USP31: variants seen among roughly 807,000 people sequenced by gnomAD.
USP31 encodes ubiquitin carboxyl-terminal hydrolase 31.
A neutral mutation model predicts 119.4 loss-of-function variants in USP31; 44 were observed. The observed-to-expected ratio is 0.37, with a 90% CI of 0.29 to 0.47. The LOEUF is 0.47. Ranked by LOEUF, USP31 falls within the 20% of genes least tolerant of loss-of-function variation. The pLI is 0.99. For synonymous variants in USP31, 749 were observed against 705.6 expected (o/e 1.06, Z -0.97); for missense variants, 1,643 against 1,730.2 (o/e 0.95, Z 0.89).
Position 23,067,792 on chromosome 16 carries a change from T to C in USP31, c.*254A>G. Reference sequence around the variant, plus strand: ...TAAAGGGACCGTCCTGGGTATCGTCTACAATTATTCCAGTTAGCTTGGTGT... The same window carrying C: ...TAAAGGGACCGTCCTGGGTATCGTCCACAATTATTCCAGTTAGCTTGGTGT... On this transcript the variant is annotated 3_prime_UTR_variant, in exon 16 of 16. Transcript: ENST00000219689. The C allele has an allele frequency of 2.4e-6, 1 of 414,692 alleles. No homozygotes were observed. Among genetic ancestry groups the C allele is most frequent in the Non-Finnish European group, 4.2e-6 (1 of 235,598 alleles). The allele number at this position is 414,692 out of a possible 1,614,324, so 25.7% of individuals were successfully genotyped here.
At chr16:23,140,255 TC>T (rs1903315709) in intron 1 of USP31, among the ~76,000 whole-genome samples, 1 of 152,154 alleles carries the variant, frequency 6.6e-6, no homozygotes, top group South Asian at 2.1e-4. Flanking sequence ...TAAATTTATC[TC>T]CCCTTCATTC....
chr16:23,105,876 A>C (rs552189258), intron 4 of USP31, among the ~76,000 whole-genome samples: 1 of 152,306 alleles, frequency 6.6e-6, no homozygotes, highest in East Asian at 1.9e-4. Context: ...AAATGTTGAG[A>C]AATTGTTCAA....
At chr16:23,122,869 G>A (rs1902720163) in intron 1 of USP31, among the ~76,000 whole-genome samples, 1 of 152,126 alleles carries the variant, frequency 6.6e-6, no homozygotes, top group South Asian at 2.1e-4. Context: ...AATTGACTGT[G>A]ATAAATGTTT....
chr16:23,148,528 C>T, intron 1 of USP31, 110 bp downstream of exon 1: 1 of 1,342,424 alleles, frequency 7.4e-7, no homozygotes, highest in South Asian at 1.8e-5. Context: ...CTCGGAGCAA[C>T]CAATGCAGAA....
intron 1 of USP31, among the ~76,000 whole-genome samples, chr16:23,136,230 GAACTAA>G (rs1438504622): frequency 6.6e-6 from 1 of 152,012 alleles, no homozygotes; most frequent in Non-Finnish European, 1.5e-5. Flanking sequence ...CTAAACATAA[GAACTAA>G]AACTATAAAA....
intron 1 of USP31, among the ~76,000 whole-genome samples, chr16:23,147,372 G>A (rs1036070042): frequency 2.6e-5 from 4 of 151,618 alleles, no homozygotes; most frequent in Non-Finnish European, 5.9e-5. Flanking sequence ...GCCTCCCAAA[G>A]TGCTAGGATT....
intron 11 of USP31, among the ~76,000 whole-genome samples, chr16:23,084,471 A>T (rs1901002945): frequency 6.6e-6 from 1 of 152,084 alleles, no homozygotes; most frequent in Admixed American, 6.5e-5. Flanking sequence ...TAATTTTTTA[A>T]ATTTAATTAA....
intron 5 of USP31, among the ~76,000 whole-genome samples, chr16:23,103,956 CAG>C (rs1323540172): frequency 6.6e-6 from 1 of 152,128 alleles, no homozygotes; most frequent in Non-Finnish European, 1.5e-5. Flanking sequence ...ACAAACAAAA[CAG>C]AAAAACAAAA....
intron 1 of USP31, among the ~76,000 whole-genome samples, chr16:23,123,097 C>T (rs544021925): frequency 6.6e-6 from 1 of 152,268 alleles, no homozygotes; most frequent in Admixed American, 6.5e-5. Context: ...AGAAGACAGT[C>T]TAACATTCCA....
chr16:23,065,352 AG>A lies in USP31; in HGVS notation c.*2693del, dbSNP rs1384723432. On this transcript the variant is annotated 3_prime_UTR_variant, in exon 16 of 16. Coordinates refer to ENST00000219689, the MANE Select transcript of USP31 (RefSeq NM_020718.4). Reference sequence around the variant, plus strand: ...AAAAAAAAAAAAAGAAAAGAAAGAAAGAAACCAACACCAAGTCCCCAACCCT... The same window carrying A: ...AAAAAAAAAAAAAGAAAAGAAAGAAAAAACCAACACCAAGTCCCCAACCCT... 2 of 151,906 alleles carry A rather than the reference AG, an allele frequency of 1.3e-5. No individual in the cohort carries two copies. Among genetic ancestry groups the A allele is most frequent in the African/African-American group, 4.8e-5 (2 of 41,384 alleles). 9.4% of individuals were successfully genotyped at this position (151,906 alleles called of 1,614,324 possible). A position where few individuals can be genotyped will look rare whatever the true frequency, so the allele number is the denominator to read the frequency against.
chr16:23,109,989 C>T (rs1001699287), intron 1 of USP31, among the ~76,000 whole-genome samples: 1 of 151,966 alleles, frequency 6.6e-6, no homozygotes, highest in Non-Finnish European at 1.5e-5. Flanking sequence ...GAGCCTGGAA[C>T]AGAAAAAACG....
rs1421150807 is a variant in USP31 at position 23,104,930 on chromosome 16, T to C, written c.1089+511A>G. On this transcript the variant is annotated intron_variant, in intron 5 of 15. Coordinates refer to ENST00000219689, the MANE Select transcript of USP31 (RefSeq NM_020718.4). ...GGATGCGGCATGGGCACAACTTTCCTTTCTCTTCTCTAAACAAGGTAAGAG... is the reference window on the plus strand; with the variant it reads ...GGATGCGGCATGGGCACAACTTTCCCTTCTCTTCTCTAAACAAGGTAAGAG... 3.3e-5 allele frequency among the ~76,000 whole-genome samples: 5 copies of C among 152,350 alleles called. No individual in the cohort carries two copies. The East Asian group carries it at 5.8e-4, about 18-fold the overall frequency.
Position 23,149,339 on chromosome 16 carries a change from G to C in USP31, c.-69C>G, listed in dbSNP as rs1406516715. ...CCGCGGCCCCGCCACGGCCGCCGCC[G>C]CATCCCGCAGCGCCGCGCCTCACCG... is the stretch of plus-strand genomic sequence containing the variant. On this transcript the variant is annotated 5_prime_UTR_variant, in exon 1 of 16. Coordinates refer to ENST00000219689, the MANE Select transcript of USP31 (RefSeq NM_020718.4). 1.0e-6 allele frequency: 1 copy of C among 999,760 alleles called. No homozygotes were observed. 61.9% of individuals were successfully genotyped at this position (999,760 alleles called of 1,614,324 possible). A position where few individuals can be genotyped will look rare whatever the true frequency, so the allele number is the denominator to read the frequency against.
Position 23,149,044 on chromosome 16 carries a change from G to C in USP31, c.227C>G (p.Ser76Trp). Residue 76 changes from serine to tryptophan, a missense_variant, in exon 1 of 16, where the codon TCG becomes TGG. By Grantham distance (177) the Ser-to-Trp change is radical. Around this residue, in one of 5 missense-constraint regions of USP31, gnomAD observed 302 missense variants for 262.6 expected, o/e 1.15. Transcript: ENST00000219689. ...GGCGGCGCCCTCAGAGCTAAGGTGC[G>C]AGAGCGTGGACAGCGTCTTGAGAAC... Reference protein sequence around the residue: ...SRVLKTLSTLSHLSSEGAAPD... With the variant: ...SRVLKTLSTLWHLSSEGAAPD... 2 of 1,242,824 alleles carry C rather than the reference G, an allele frequency of 1.6e-6. No homozygotes were observed. Among genetic ancestry groups the C allele is most frequent in the Non-Finnish European group, 2.1e-6 (2 of 967,528 alleles). 77.0% of individuals were successfully genotyped at this position (1,242,824 alleles called of 1,614,324 possible).
rs1375726900 is a variant in USP31 at position 23,149,157 on chromosome 16, C to A, written c.114G>T (p.Ala38=). The A allele has an allele frequency of 1.3e-5, 15 of 1,172,154 alleles. No individual in the cohort carries two copies. The highest frequency in any genetic ancestry group is 4.3e-5 in the East Asian group (1 of 23,396). The allele number at this position is 1,172,154 out of a possible 1,614,324, so 72.6% of individuals were successfully genotyped here. A position where few individuals can be genotyped will look rare whatever the true frequency, so the allele number is the denominator to read the frequency against. The change falls in exon 1 of 16, where the codon GCG becomes GCT. Residue 38 remains alanine, a synonymous_variant. Coordinates refer to ENST00000219689, the MANE Select transcript of USP31 (RefSeq NM_020718.4). ...CCGGCCCGGACGCCCCGGGGCCCCC[C>A]GCGCCGCCGCCGCCAGCGCGGCCGC... ...FRSGRAGGGG[A]GGPGASGPAA...
At chr16:23,087,980 T>C in intron 7 of USP31, 145 bp from the exon 8 acceptor site, 1 of 676,760 alleles carries the variant, frequency 1.5e-6, no homozygotes. Context: ...GGAAATTTAA[T>C]GGTAACTCTT....
rs1052592212 is a variant in USP31 at position 23,065,611 on chromosome 16, A to G, written c.*2435T>C. The stretch of plus-strand genomic sequence containing the variant: ...TTTTTCTATTAAACCTGAAACAAGG[A>G]CTAAACTCCATGACATACAGTTTAT... On this transcript the variant is annotated 3_prime_UTR_variant, in exon 16 of 16. Coordinates refer to ENST00000219689, the MANE Select transcript of USP31 (RefSeq NM_020718.4). The G allele has an allele frequency of 5.9e-5, 9 of 152,618 alleles. No homozygotes were observed. The highest frequency in any genetic ancestry group is 1.2e-4 in the Non-Finnish European group (8 of 68,042). 9.5% of individuals were successfully genotyped at this position (152,618 alleles called of 1,614,324 possible).
At chr16:23,092,513 C>G (rs1298466734) in intron 6 of USP31, among the ~76,000 whole-genome samples, 1 of 152,112 alleles carries the variant, frequency 6.6e-6, no homozygotes, top group Non-Finnish European at 1.5e-5. Flanking sequence ...GAGAGATTAA[C>G]AGAAGTTAAC....
rs1901328126 is a variant in USP31, at chr16:23,090,794, T to C, written c.1245A>G (p.Leu415=). ...ATTTCAAGTGGTTTAGGTTGTTGTT[T>C]AAATGAATTCCTGAAACAGAATAAA... is the stretch of plus-strand genomic sequence containing the variant. ...EGILSQRGIH[L]NNNLNHLKFG... is the part of the protein sequence containing the mutation. The change falls in exon 7 of 16, where the codon TTA becomes TTG. Residue 415 remains leucine, a synonymous_variant. Coordinates refer to ENST00000219689, the MANE Select transcript of USP31 (RefSeq NM_020718.4). The C allele has an allele frequency of 1.9e-6, 3 of 1,563,478 alleles. No homozygotes were observed. Among genetic ancestry groups the C allele is most frequent in the South Asian group, 1.2e-5 (1 of 84,604 alleles).
Sources: allele counts gnomAD v4.1 joint callset (sites outside exome capture counted in the v4.1 genomes callset), GRCh38; gene constraint gnomAD v4.1.1; regional missense constraint gnomAD v4.1.1; transcripts MANE v1.5; gene names NCBI Gene and HGNC (gene_info 2026-07-23, HGNC 2026-07-21).